ORC2: variants seen among roughly 807,000 people sequenced by gnomAD.
ORC2 encodes origin recognition complex subunit 2.
ORC2 carries 37 observed loss-of-function variants against 77.7 expected under a neutral mutation model. The ratio of observed to expected loss-of-function variants is 0.48; its 90% CI spans 0.37 to 0.63. The LOEUF is 0.63. ORC2 is among the 20% of genes least tolerant of loss of function. The pLI is 0.00. For synonymous variants in ORC2, 201 were observed against 229.5 expected (o/e 0.88, Z 1.12); for missense variants, 557 against 661.9 (o/e 0.84, Z 1.74).
intron 8 of ORC2, 107 bp from the exon 9 acceptor site, chr2:200,935,999 T>G: frequency 1.2e-6 from 1 of 830,868 alleles, no homozygotes; most frequent in Non-Finnish European, 1.8e-6. Flanking sequence ...TGAATTCTGG[T>G]TTTGTCATTA....
chr2:200,962,141 A>G (rs1226097453), intron 1 of ORC2, among the ~76,000 whole-genome samples: 1 of 152,252 alleles, frequency 6.6e-6, no homozygotes, highest in East Asian at 1.9e-4. Flanking sequence ...CAAAGACCTC[A>G]TGAGAAACGT....
At chr2:200,933,406 A>G (rs1380375681) in intron 10 of ORC2, among the ~76,000 whole-genome samples, 7 of 152,092 alleles carry the variant, frequency 4.6e-5, no homozygotes, top group Non-Finnish European at 1.0e-4. Context: ...GACCAGTGTG[A>G]GATTTAGTGA....
chr2:200,958,227 A>G (rs1306636962), intron 2 of ORC2, 94 bp from the exon 3 acceptor site: 5 of 690,436 alleles, frequency 7.2e-6, no homozygotes, highest in Non-Finnish European at 1.3e-5. Context: ...TCTTTATCTA[A>G]TATTTTTAAA....
chr2:200,949,668 A>G, intron 4 of ORC2, 25 bp from the exon 5 acceptor site: 4 of 1,391,886 alleles, frequency 2.9e-6, no homozygotes, highest in Non-Finnish European at 4.0e-6. Flanking sequence ...TGCAATATAC[A>G]TTTAGGAAAA....
intron 15 of ORC2, among the ~76,000 whole-genome samples, chr2:200,915,281 T>C (rs374734781): frequency 4.6e-5 from 7 of 152,022 alleles, no homozygotes; most frequent in African/African-American, 1.2e-4. Flanking sequence ...ATTTTTCCCA[T>C]GTCTTTAAAA....
Position 200,911,164 on chromosome 2 carries a change from A to C in ORC2, c.*137T>G. The C allele has an allele frequency of 1.6e-6, 1 of 623,076 alleles. No homozygotes were observed. Among genetic ancestry groups the C allele is most frequent in the Non-Finnish European group, 2.9e-6 (1 of 345,322 alleles). The allele number at this position is 623,076 out of a possible 1,614,324, so 38.6% of individuals were successfully genotyped here. The stretch of plus-strand genomic sequence containing the variant: ...TGATCAAAAAGTTCTAATTGAGGAC[A>C]TCCCCCCCTTCCCAAATTTAAATCT... On this transcript the variant is annotated 3_prime_UTR_variant, in exon 18 of 18. Transcript: ENST00000234296.
Position 200,931,452 on chromosome 2 carries a change from T to A in ORC2, c.808-4A>T. The stretch of plus-strand genomic sequence containing the variant: ...TCAATAAGTTACGCAAAGTTTGCTT[T>A]AAAAAAAAGGAGGAGGGGAAAAAAG... On this transcript the variant is annotated splice_region_variant and splice_polypyrimidine_tract_variant and intron_variant, in intron 10 of 17. Transcript: ENST00000234296. 7 of 1,516,912 alleles carry A rather than the reference T, an allele frequency of 4.6e-6. No homozygotes were observed. Among genetic ancestry groups the A allele is most frequent in the Admixed American group, 4.1e-5 (2 of 48,332 alleles). 94.0% of individuals were successfully genotyped at this position (1,516,912 alleles called of 1,614,324 possible). A position where few individuals can be genotyped will look rare whatever the true frequency, so the allele number is the denominator to read the frequency against.
chr2:200,954,567 T>A (rs1575185001), intron 4 of ORC2, among the ~76,000 whole-genome samples: 1 of 152,228 alleles, frequency 6.6e-6, no homozygotes, highest in East Asian at 1.9e-4. Context: ...ACTGAAATGT[T>A]AACGGTTCCA....
chr2:200,948,709 C>T (rs1280934526), intron 5 of ORC2, among the ~76,000 whole-genome samples: 3 of 151,854 alleles, frequency 2.0e-5, no homozygotes, highest in East Asian at 2.0e-4. Context: ...ACTACAGGCA[C>T]GTGCCACCAC....
chr2:200,914,108 C>G, intron 15 of ORC2, 116 bp from the exon 16 acceptor site: 1 of 614,884 alleles, frequency 1.6e-6, no homozygotes, highest in Non-Finnish European at 2.8e-6. Flanking sequence ...GCATTATCTT[C>G]TGTTCCTCCA....
At chr2:200,911,809 A>G (rs2040555396) in intron 17 of ORC2, among the ~76,000 whole-genome samples, 1 of 152,068 alleles carries the variant, frequency 6.6e-6, no homozygotes, top group South Asian at 2.1e-4. Flanking sequence ...CTCTCCATCT[A>G]TCACATTATC....
At chr2:200,953,922 T>A (rs942807697) in intron 4 of ORC2, among the ~76,000 whole-genome samples, 1 of 152,172 alleles carries the variant, frequency 6.6e-6, no homozygotes, top group East Asian at 1.9e-4. Context: ...GCTCCAGTGA[T>A]CCTCCCACTT....
intron 1 of ORC2, among the ~76,000 whole-genome samples, chr2:200,962,439 T>TA: frequency 6.6e-6 from 1 of 152,220 alleles, no homozygotes; most frequent in East Asian, 1.9e-4. Context: ...GATTAGTGGT[T>TA]AAACACCAAT....
chr2:200,920,947 G>A, intron 14 of ORC2, 46 bp downstream of exon 14: 1 of 1,367,424 alleles, frequency 7.3e-7, no homozygotes, highest in Non-Finnish European at 9.7e-7. Flanking sequence ...AATTTGTCTT[G>A]TAAGACTGAT....
chr2:200,953,410 TG>T (rs201710213), intron 4 of ORC2, among the ~76,000 whole-genome samples: 4,282 of 140,686 alleles, frequency 0.03, 207 homozygotes, highest in African/African-American at 0.12. Flanking sequence ...AAAGGGCTAC[TG>T]TTTTTTTTTT....
At position 200,920,236 on chromosome 2, in the gene ORC2, A is replaced by G. The variant is rs767823263; in HGVS notation, c.1452T>C (p.Leu484=). The G allele has an allele frequency of 3.1e-6, 5 of 1,611,882 alleles. No homozygotes were observed. The highest frequency in any genetic ancestry group is 1.6e-4 in the Middle Eastern group (1 of 6,070). Residue 484 remains leucine, a synonymous_variant, in exon 15 of 18, where the codon CTT becomes CTC. Transcript: ENST00000234296. ...TTCATCCTTACCTTGCATTAGGGGTAAGGCTTCGTAAGACATGAGTAAGGG... is the reference window on the plus strand; with the variant it reads ...TTCATCCTTACCTTGCATTAGGGGTGAGGCTTCGTAAGACATGAGTAAGGG... The part of the protein sequence containing the change: ...LSSLTHVLRS[L]TPNARGIFRL...
chr2:200,933,373 T>A (rs1047224531), intron 10 of ORC2, among the ~76,000 whole-genome samples: 2 of 152,004 alleles, frequency 1.3e-5, no homozygotes, highest in South Asian at 4.1e-4. Context: ...TGAGAGAAAG[T>A]CAGGTTGCAG....
intron 1 of ORC2, among the ~76,000 whole-genome samples, chr2:200,961,149 C>T (rs1222215947): frequency 6.6e-6 from 1 of 151,788 alleles, no homozygotes; most frequent in Non-Finnish European, 1.5e-5. Context: ...ATCATAAATG[C>T]TTGGTTTTTT....
intron 5 of ORC2, among the ~76,000 whole-genome samples, chr2:200,948,293 C>T (rs1161482073): frequency 3.3e-5 from 5 of 152,112 alleles, no homozygotes; most frequent in African/African-American, 1.2e-4. Flanking sequence ...AAGCGATCCT[C>T]CTGTCTTGGC....
Sources: gnomAD v4.1 joint callset for allele counts (sites outside exome capture counted in the v4.1 genomes callset) on GRCh38, gnomAD v4.1.1 for gene constraint, MANE v1.5 for transcripts, NCBI Gene and HGNC (gene_info 2026-07-23, HGNC 2026-07-21) for gene names.